BBS9: variants seen among roughly 807,000 people sequenced by gnomAD.
BBS9 encodes the protein Bardet-Biedl syndrome 9, also known as protein PTHB1.
In BBS9, 89 loss-of-function variants were observed where a neutral mutation model predicts 117.7. That is an observed-to-expected ratio of 0.76 (90% CI 0.64 to 0.90). The LOEUF (loss-of-function observed/expected upper bound fraction) is 0.90, where lower values mean the gene tolerates loss of function less well. BBS9 is among the 40% of genes least tolerant of loss of function. The pLI is 0.00. For synonymous variants in BBS9, 379 were observed against 370.9 expected (o/e 1.02, Z -0.25); for missense variants, 982 against 1,042.2 (o/e 0.94, Z 0.80).
Position 33,485,307 on chromosome 7 carries a change from AGT to A in BBS9, c.2116-20155_2116-20154del, listed in dbSNP as rs1491217899. On this transcript the variant is annotated intron_variant, in intron 19 of 22. Coordinates refer to ENST00000242067, the MANE Select transcript of BBS9 (RefSeq NM_198428.3). ...CATGTACCCTGGAACTTAACATAAA[AGT>A]TTTTTTTTTTTTTTTTTTGAGATGG... 2.5e-3 allele frequency among the ~76,000 whole-genome samples: 351 copies of A among 139,234 alleles called. 4 individuals are homozygous for A. The South Asian group carries it at 0.036, about 14-fold the overall frequency. 91.3% of individuals were successfully genotyped at this position (139,234 alleles called of 152,430 possible).
chr7:33,568,233 A>T lies in BBS9; in HGVS notation c.2521+34057A>T, dbSNP rs569128511. Among the ~76,000 whole-genome samples the T allele has an allele frequency of 5.9e-5, 9 of 152,210 alleles. No individual in the cohort carries two copies. The South Asian group carries it at 1.9e-3, about 32-fold the overall frequency. On this transcript the variant is annotated intron_variant, in intron 21 of 22. Coordinates refer to ENST00000242067, the MANE Select transcript of BBS9 (RefSeq NM_198428.3). ...TGGATTTTTCTCTTTAAAAATGTGT[A>T]CGTGGCTTCCTCTCTGGAGCTCCTG...
intron 5 of BBS9, among the ~76,000 whole-genome samples, chr7:33,211,857 G>A (rs749465004): frequency 1.4e-4 from 22 of 151,916 alleles, no homozygotes; most frequent in Non-Finnish European, 2.9e-4. Context: ...TGAAGGGTAA[G>A]GGTTTTTCTT....
At chr7:33,432,641 A>G (rs530358947) in intron 19 of BBS9, among the ~76,000 whole-genome samples, 2 of 152,312 alleles carry the variant, frequency 1.3e-5, no homozygotes, top group South Asian at 4.1e-4. Context: ...GCAGATAAAA[A>G]ATGCACCTAG....
At chr7:33,466,615 T>C (rs1216870112) in intron 19 of BBS9, among the ~76,000 whole-genome samples, 2 of 152,126 alleles carry the variant, frequency 1.3e-5, no homozygotes, top group Non-Finnish European at 2.9e-5. Context: ...GCTGGAGTAA[T>C]GATAGTCTTG....
chr7:33,225,524 A>G (rs1419143915), intron 5 of BBS9, among the ~76,000 whole-genome samples: 1 of 152,250 alleles, frequency 6.6e-6, no homozygotes, highest in East Asian at 1.9e-4. Flanking sequence ...GTTAATGTCA[A>G]TATTGTACAA....
At chr7:33,337,831 G>C (rs1303112687) in intron 10 of BBS9, among the ~76,000 whole-genome samples, 3 of 152,018 alleles carry the variant, frequency 2.0e-5, no homozygotes, top group Admixed American at 1.3e-4. Flanking sequence ...GGTGGCATAG[G>C]CATGAAACAT....
intron 17 of BBS9, 47 bp downstream of exon 17, chr7:33,367,909 A>G (rs745484406): frequency 5.6e-6 from 8 of 1,433,392 alleles, no homozygotes; most frequent in Non-Finnish European, 6.9e-6. Flanking sequence ...TTTTCTAAGG[A>G]TACCACATCA....
intron 19 of BBS9, among the ~76,000 whole-genome samples, chr7:33,480,911 G>A (rs1211458316): frequency 6.6e-6 from 1 of 152,076 alleles, no homozygotes; most frequent in Non-Finnish European, 1.5e-5. Flanking sequence ...GTGTTTGGCA[G>A]TTCCCCACCC....
chr7:33,371,498 A>T (rs942100836), intron 17 of BBS9, among the ~76,000 whole-genome samples: 1 of 152,172 alleles, frequency 6.6e-6, no homozygotes, highest in Non-Finnish European at 1.5e-5. Context: ...AACATGTTTG[A>T]ACATTAATTT....
At chr7:33,325,049 C>A (rs1812562107) in intron 9 of BBS9, among the ~76,000 whole-genome samples, 1 of 152,182 alleles carries the variant, frequency 6.6e-6, no homozygotes, top group South Asian at 2.1e-4. Flanking sequence ...GTTATTATCT[C>A]TTTGAATAAA....
In BBS9 at chr7:33,623,244, G is replaced by T. The variant is rs562459098; in HGVS notation, c.2522-11933G>T. ...AATATGAGCAAAAACATACATGGAT[G>T]GCTTGCAGAAGATAAACAATTAATA... On this transcript the variant is annotated intron_variant, in intron 21 of 21. Transcript: ENST00000671952. Among the ~76,000 whole-genome samples the T allele has an allele frequency of 7.8e-4, 119 of 152,064 alleles. 1 individual carries two copies. Among genetic ancestry groups the T allele is most frequent in the African/African-American group, 2.7e-3 (114 of 41,466 alleles).
chr7:33,469,044 G>A (rs1840604834), intron 19 of BBS9, among the ~76,000 whole-genome samples: 3 of 151,520 alleles, frequency 2.0e-5, no homozygotes, highest in South Asian at 4.2e-4. Context: ...GAAGTCATCT[G>A]CTCTTTTGGA....
intron 21 of BBS9, among the ~76,000 whole-genome samples, chr7:33,616,219 TATATA>T (rs1231662028): frequency 6.6e-6 from 1 of 150,994 alleles, no homozygotes; most frequent in Non-Finnish European, 1.5e-5. Context: ...TGTATTAAAA[TATATA>T]TATAATGTAT....
At chr7:33,629,485 G>A (rs140822501) in intron 21 of BBS9, among the ~76,000 whole-genome samples, 44 of 152,252 alleles carry the variant, frequency 2.9e-4, no homozygotes, top group African/African-American at 8.7e-4. Flanking sequence ...GCTATGTGAC[G>A]TCAGCCAGTG....
chr7:33,166,670 G>T (rs1289041030), intron 4 of BBS9, among the ~76,000 whole-genome samples: 1 of 152,214 alleles, frequency 6.6e-6, no homozygotes, highest in Non-Finnish European at 1.5e-5. Context: ...ACCTAGCCAG[G>T]CGTGGGATCC....
chr7:33,201,141 T>C (rs1164318132), intron 5 of BBS9, among the ~76,000 whole-genome samples: 1 of 152,124 alleles, frequency 6.6e-6, no homozygotes, highest in Non-Finnish European at 1.5e-5. Flanking sequence ...ATGGGCATAA[T>C]GTATTCTGGA....
intron 9 of BBS9, among the ~76,000 whole-genome samples, chr7:33,329,942 CT>C (rs1260300070): frequency 6.6e-6 from 1 of 151,350 alleles, no homozygotes; most frequent in Admixed American, 6.6e-5. Context: ...TTTATTTAAC[CT>C]TTTTCTGTTG....
At chr7:33,435,452 T>C (rs1407665420) in intron 19 of BBS9, among the ~76,000 whole-genome samples, 2 of 152,186 alleles carry the variant, frequency 1.3e-5, no homozygotes, top group African/African-American at 4.8e-5. Flanking sequence ...CTTTTGTAGA[T>C]GTTCCTTAAT....
At chr7:33,144,121 C>T (rs886436772) in intron 1 of BBS9, among the ~76,000 whole-genome samples, 1 of 152,136 alleles carries the variant, frequency 6.6e-6, no homozygotes, top group Non-Finnish European at 1.5e-5. Flanking sequence ...TGTTCAGTAA[C>T]TTTTAGTAAC....
Sources: gnomAD v4.1 joint callset for allele counts (sites outside exome capture counted in the v4.1 genomes callset) on GRCh38, gnomAD v4.1.1 for gene constraint, MANE v1.5 for transcripts, NCBI Gene and HGNC (gene_info 2026-07-23, HGNC 2026-07-21) for gene names.